The following FILIP1 variants were observed in gnomAD, a reference collection of about 807,000 sequenced individuals.
The protein encoded by FILIP1 is filamin-A-interacting protein 1.
Under a neutral mutation model 102.1 loss-of-function variants are expected in FILIP1, and 61 were observed. The ratio of observed to expected loss-of-function variants is 0.60; its 90% CI spans 0.49 to 0.74. The LOEUF is 0.74. Among genes scored for constraint, FILIP1 ranks in the 30% least tolerant of loss-of-function variants. The pLI, the probability that FILIP1 is intolerant of heterozygous loss-of-function variation, is 0.00. For missense variants in FILIP1, 1,314 were observed against 1,441.2 expected (o/e 0.91, Z 1.43); for synonymous variants, 491 against 526.9 (o/e 0.93, Z 0.93).
At chr6:75,321,069 CCTTCTCCCTCTCCTT>C (rs997341300) in intron 4 of FILIP1, among the ~76,000 whole-genome samples, 75 of 152,192 alleles carry the variant, frequency 4.9e-4, no homozygotes, top group African/African-American at 1.8e-3. Flanking sequence ...TCTACTTCCT[CCTTCTCCCTCTCCTT>C]CTTCTTCAAG....
rs151136601 is a variant in FILIP1 at position 75,317,323 on chromosome 6, C to T, written c.630-2121G>A. Among the ~76,000 whole-genome samples, 11 of 152,284 alleles carry T rather than the reference C, an allele frequency of 7.2e-5. No individual in the cohort carries two copies. The East Asian group carries it at 2.1e-3, about 29-fold the overall frequency. On this transcript the variant is annotated intron_variant, in intron 4 of 5. Transcript: ENST00000237172. ...GCAGGATATAAATAAATCCCACAAG[C>T]TTAGCGTTCCAATAATGGAACACTA...
intron 3 of FILIP1, chr6:75,360,837 C>T (rs541899025): frequency 6.6e-6 from 1 of 152,264 alleles, no homozygotes; most frequent in South Asian, 2.1e-4. Context: ...ACTACCTGCT[C>T]GTGATCCCAG....
At chr6:75,417,735 C>A (rs1404218948) in intron 1 of FILIP1, among the ~76,000 whole-genome samples, 13 of 152,166 alleles carry the variant, frequency 8.5e-5, no homozygotes, top group Middle Eastern at 3.2e-3. Flanking sequence ...AATTAAATAT[C>A]TTTTCCTGTA....
At chr6:75,427,068 C>A (rs542113229) in intron 1 of FILIP1, among the ~76,000 whole-genome samples, 55 of 152,114 alleles carry the variant, frequency 3.6e-4, no homozygotes, top group African/African-American at 1.3e-3. Flanking sequence ...TGTGATACCC[C>A]AAGATATAAA....
intron 1 of FILIP1, among the ~76,000 whole-genome samples, chr6:75,435,762 C>T (rs1021417880): frequency 1.3e-5 from 2 of 152,056 alleles, no homozygotes; most frequent in Non-Finnish European, 2.9e-5. Context: ...ATCATTGATA[C>T]TACTGAGGTG....
At chr6:75,319,552 C>G in intron 4 of FILIP1, 1 of 544,608 alleles carries the variant, frequency 1.8e-6, no homozygotes, top group African/African-American at 1.9e-5. Context: ...ACTCTGAGGC[C>G]GGGCCCGGTG....
intron 2 of FILIP1, among the ~76,000 whole-genome samples, chr6:75,413,147 T>TA: frequency 6.6e-6 from 1 of 152,280 alleles, no homozygotes; most frequent in East Asian, 1.9e-4. Context: ...GTAATAGCAT[T>TA]ACGCAGAAAT....
intron 1 of FILIP1, among the ~76,000 whole-genome samples, chr6:75,448,901 G>C (rs1278303326): frequency 2.0e-5 from 3 of 152,144 alleles, no homozygotes; most frequent in African/African-American, 7.2e-5. Context: ...AACTACTATG[G>C]AAAACAATGT....
At position 75,313,936 on chromosome 6, in the gene FILIP1, T is replaced by C. The variant is rs1773318838; in HGVS notation, c.1896A>G (p.Leu632=). 2.5e-6 allele frequency: 4 copies of C among 1,612,526 alleles called. No individual in the cohort carries two copies. The South Asian group carries it at 3.3e-5, about 13-fold the overall frequency. ...TCTTCAGTCTCTCAATTTCAAGTGTTAGTTCCTTAATCTTATTATCTTCCG... is the reference window on the plus strand; with the variant it reads ...TCTTCAGTCTCTCAATTTCAAGTGTCAGTTCCTTAATCTTATTATCTTCCG... ...TCPEDNKIKE[L]TLEIERLKKR... is the part of the protein sequence containing the mutation. Residue 632 remains leucine (L), a synonymous_variant, in exon 5 of 6, where the codon CTA becomes CTG. Transcript: ENST00000237172. This position sits in a 1 kb window ranked among gnomAD's most constrained non-coding sequence, Gnocchi z 4.2.
At chr6:75,425,125 C>T (rs1358713399) in intron 1 of FILIP1, among the ~76,000 whole-genome samples, 2 of 152,074 alleles carry the variant, frequency 1.3e-5, no homozygotes, top group East Asian at 3.8e-4. Flanking sequence ...CTACATAAAC[C>T]AAGAAAGGAG....
rs574018782 is a variant in FILIP1 at position 75,373,720 on chromosome 6, A to G, written c.277-10803T>C. ...GAGATTATGTTTTTGAAAAAACTAA[A>G]ATTTCAACCTGGGCGCAGTGGCTCA... On this transcript the variant is annotated intron_variant, in intron 2 of 5. Coordinates refer to ENST00000237172, the MANE Select transcript of FILIP1 (RefSeq NM_015687.5). Among the ~76,000 whole-genome samples, 179 of 151,394 alleles carry G rather than the reference A, an allele frequency of 1.2e-3. 3 individuals carry two copies. Among genetic ancestry groups the G allele is most frequent in the African/African-American group, 4.3e-3 (173 of 40,662 alleles).
chr6:75,332,339 C>T (rs188905107), intron 4 of FILIP1, among the ~76,000 whole-genome samples: 2 of 152,284 alleles, frequency 1.3e-5, no homozygotes, highest in Admixed American at 6.5e-5. Context: ...TAAGAAAAAG[C>T]AGGTACTATT....
chr6:75,432,837 C>CT (rs1777874282), intron 1 of FILIP1, among the ~76,000 whole-genome samples: 1 of 152,060 alleles, frequency 6.6e-6, no homozygotes, highest in Non-Finnish European at 1.5e-5. Context: ...CCCCCTCCCC[C>CT]CACTTCCCAA....
At chr6:75,477,686 C>T (rs1268874358) in intron 1 of FILIP1, among the ~76,000 whole-genome samples, 2 of 151,600 alleles carry the variant, frequency 1.3e-5, no homozygotes, top group African/African-American at 4.9e-5. Context: ...GAGTACAAGG[C>T]CTAATGGAAA....
At chr6:75,340,492 C>T (rs1230550415) in intron 4 of FILIP1, among the ~76,000 whole-genome samples, 2 of 152,152 alleles carry the variant, frequency 1.3e-5, no homozygotes, top group African/African-American at 2.4e-5. Flanking sequence ...ATTTGGAATG[C>T]CATCTTTAAA....
In FILIP1 at chr6:75,462,724, C is replaced by T. The variant is rs533156945; in HGVS notation, c.-7+30690G>A. 6.3e-4 allele frequency among the ~76,000 whole-genome samples: 96 copies of T among 152,254 alleles called. 1 individual carries two copies. Among genetic ancestry groups the T allele is most frequent in the Admixed American group, 5.1e-3 (78 of 15,294 alleles). Reference sequence around the variant, plus strand: ...AATTATCTCTCAAACTCAAGCCAAGCCCACTGCCCAGTCTGTGTTTACTCT... The same window carrying T: ...AATTATCTCTCAAACTCAAGCCAAGTCCACTGCCCAGTCTGTGTTTACTCT... On this transcript the variant is annotated intron_variant, in intron 1 of 5. Transcript: ENST00000237172.
At chr6:75,342,655 G>A (rs75792528) in intron 4 of FILIP1, among the ~76,000 whole-genome samples, 2,775 of 152,198 alleles carry the variant, frequency 0.018, 76 homozygotes, top group East Asian at 0.11. Flanking sequence ...GTGGATGAGA[G>A]GTCATCTGCT....
intron 1 of FILIP1, among the ~76,000 whole-genome samples, chr6:75,451,144 G>A (rs1156649179): frequency 1.3e-5 from 2 of 151,508 alleles, no homozygotes. Context: ...TTTAGATTGA[G>A]GAACTGCTTT....
At chr6:75,372,693 AAGAGAAAGAAAGAAAGAAAGG>A (rs1775588657) in intron 2 of FILIP1, among the ~76,000 whole-genome samples, 1 of 41,676 alleles carries the variant, frequency 2.4e-5, no homozygotes, top group Non-Finnish European at 4.5e-5. Context: ...AAGAGAAAGA[AAGAGAAAGAAAGAAAGAAAGG>A]AAAGAAAGAG....
Sources: allele counts gnomAD v4.1 joint callset (sites outside exome capture counted in the v4.1 genomes callset), GRCh38; gene constraint gnomAD v4.1.1; non-coding constraint Gnocchi (gnomAD v3.1); transcripts MANE v1.5; gene names NCBI Gene and HGNC (gene_info 2026-07-23, HGNC 2026-07-21).